TAF9B: variants seen among roughly 807,000 people sequenced by gnomAD.
TAF9B encodes transcription initiation factor TFIID subunit 9B.
TAF9B carries 47 observed loss-of-function variants against 17.6 expected under a neutral mutation model. That is an observed-to-expected ratio of 2.68 (90% CI 2.12 to 3.41). The LOEUF (loss-of-function observed/expected upper bound fraction) is 3.41. Among genes scored for constraint, TAF9B ranks in the 30% most tolerant of loss-of-function variants. The pLI is 0.00. For missense variants in TAF9B, 218 were observed against 189.3 expected (o/e 1.15, Z -0.89); for synonymous variants, 84 against 68.7 (o/e 1.22, Z -1.10).
At position 78,131,568 on chromosome X, in the gene TAF9B, C is replaced by G. The variant is rs782213056; in HGVS notation, c.*42G>C. 1.3e-5 allele frequency: 15 copies of G among 1,159,058 alleles called. No homozygotes were observed. Among genetic ancestry groups the G allele is most frequent in the Non-Finnish European group, 7.0e-6 (6 of 857,970 alleles). On this transcript the variant is annotated 3_prime_UTR_variant, in exon 7 of 7. Coordinates refer to ENST00000341864, the MANE Select transcript of TAF9B (RefSeq NM_015975.5). ...CTAGTTCAGTATACTGGGCTCAAAA[C>G]CAACTTTCCTTTTGAAATGCATCTA...
At chrX:78,133,607 C>T (rs981214475) in intron 5 of TAF9B, among the ~76,000 whole-genome samples, 159 bp from the exon 6 acceptor site, 8 of 111,820 alleles carry the variant, frequency 7.2e-5, no homozygotes, top group Non-Finnish European at 5.6e-5. Context: ...AAAAAATTTA[C>T]AAGCTTGTTT....
chrX:78,138,570 C>T (rs1311587524), intron 2 of TAF9B, among the ~76,000 whole-genome samples: 1 of 111,946 alleles, frequency 8.9e-6, no homozygotes, highest in Non-Finnish European at 1.9e-5. Flanking sequence ...CCAGCCTGGG[C>T]AATATGGCGA....
chrX:78,132,955 G>C (rs1347537255), intron 6 of TAF9B, among the ~76,000 whole-genome samples: 1 of 111,446 alleles, frequency 9.0e-6, no homozygotes, highest in Admixed American at 9.6e-5. Flanking sequence ...AGTACAGTAA[G>C]ATACTTTGAG....
At position 78,136,929 on chromosome X, in the gene TAF9B, G is replaced by A. The variant is rs1603399965; in HGVS notation, c.467C>T (p.Thr156Ile). 4.2e-6 allele frequency: 5 copies of A among 1,202,293 alleles called. No homozygotes were observed. Among genetic ancestry groups the A allele is most frequent in the Non-Finnish European group, 5.6e-6 (5 of 887,521 alleles). Residue 156 changes from threonine to isoleucine, a missense_variant, in exon 5 of 7, where the codon ACT becomes ATT. Thr to Ile is a moderately conservative substitution (Grantham distance 89, BLOSUM62 -1). Coordinates refer to ENST00000341864, the MANE Select transcript of TAF9B (RefSeq NM_015975.5). ...LSVGAVSSKP[T>I]TPTIATPQTV... ...CTCTCACTTACCTATAGTAGGAGTA[G>A]TAGGTTTGCTACTAACAGCACCAAC... is the stretch of plus-strand genomic sequence containing the variant.
chrX:78,137,791 G>A lies in TAF9B; in HGVS notation c.363C>T (p.Cys121=), dbSNP rs1557250207. The change falls in exon 4 of 7, where the codon TGC becomes TGT. Residue 121 remains cysteine (C), a synonymous_variant. Transcript: ENST00000341864. ...TCAGCCTATAGTTTGGAGCTGTTAA[G>A]CAGTATCTATCAGGTGGCAGTCTAG... The part of the protein sequence containing the change: ...AGPRLPPDRY[C]LTAPNYRLKS... 4.1e-6 allele frequency: 5 copies of A among 1,207,174 alleles called. No individual in the cohort carries two copies. The highest frequency in any genetic ancestry group is 3.6e-5 in the South Asian group (2 of 55,961).
intron 5 of TAF9B, among the ~76,000 whole-genome samples, chrX:78,135,619 CA>C (rs1230522750): frequency 9.2e-6 from 1 of 108,980 alleles, no homozygotes; most frequent in South Asian, 3.9e-4. Flanking sequence ...AAAATAAAAA[CA>C]AAAAAAAACT....
Position 78,137,823 on chromosome X carries a change from C to CAT in TAF9B, c.329_330dup (p.Ala111MetfsTer13). ...CTATCAGGTGGCAGTCTAGGTCCTGCATATGGCTTAATCAGTGGCAAAGGG... is the reference window on the plus strand; with the variant it reads ...CTATCAGGTGGCAGTCTAGGTCCTGCATATATGGCTTAATCAGTGGCAAAGGG... On this transcript the variant is annotated frameshift_variant, in exon 4 of 7. Coordinates refer to ENST00000341864, the MANE Select transcript of TAF9B (RefSeq NM_015975.5). LOFTEE classifies it high-confidence loss of function. 3 of 1,210,189 alleles carry CAT rather than the reference C, an allele frequency of 2.5e-6. No homozygotes were observed. The highest frequency in any genetic ancestry group is 3.5e-5 in the African/African-American group (2 of 57,683).
intron 2 of TAF9B, among the ~76,000 whole-genome samples, chrX:78,138,497 G>A (rs782159327): frequency 4.2e-4 from 47 of 112,809 alleles, no homozygotes; most frequent in African/African-American, 1.5e-3. Context: ...GGTGGCTCAC[G>A]CCTGTAATCC....
intron 5 of TAF9B, among the ~76,000 whole-genome samples, chrX:78,136,038 A>G (rs1460305579): frequency 8.9e-6 from 1 of 111,796 alleles, no homozygotes; most frequent in Non-Finnish European, 1.9e-5. Flanking sequence ...TACCTGAGCT[A>G]TATGACAGCT....
rs1475331969 is a variant in TAF9B, at chrX:78,131,901, A to G, written c.593-128T>C. 62 of 547,246 alleles carry G rather than the reference A, an allele frequency of 1.1e-4. No homozygotes were observed. The East Asian group carries it at 2.1e-3, about 18-fold the overall frequency. The allele number at this position is 547,246 out of a possible 1,213,427, so 45.1% of individuals were successfully genotyped here. ...ACCAATTTCAATAGCATGAAGTGCA[A>G]CTATATCATAGAAGAAACATAGGTA... is the stretch of plus-strand genomic sequence containing the variant. On this transcript the variant is annotated intron_variant, in intron 6 of 6. Coordinates refer to ENST00000341864, the MANE Select transcript of TAF9B (RefSeq NM_015975.5).
rs1488979839 is a variant in TAF9B at position 78,130,904 on chromosome X, CATT to C, written c.*703_*705del. On this transcript the variant is annotated 3_prime_UTR_variant, in exon 7 of 7. Transcript: ENST00000341864. ...CATCAGGTTAAAGTGAATCACAAAA[CATT>C]AGGCATGTAGAGCATGTTTTAAAAA... The C allele has an allele frequency of 1.8e-5, 2 of 111,976 alleles. No individual in the cohort carries two copies. The highest frequency in any genetic ancestry group is 6.5e-5 in the African/African-American group (2 of 30,781). 9.2% of individuals were successfully genotyped at this position (111,976 alleles called of 1,213,427 possible).
At position 78,131,441 on chromosome X, in the gene TAF9B, AAC is replaced by A; in HGVS notation, c.*167_*168del. 1 of 380,960 alleles carries A rather than the reference AAC, an allele frequency of 2.6e-6. No homozygotes were observed. Among genetic ancestry groups the A allele is most frequent in the East Asian group, 4.0e-5 (1 of 24,732 alleles). The allele number at this position is 380,960 out of a possible 1,213,427, so 31.4% of individuals were successfully genotyped here. A position where few individuals can be genotyped will look rare whatever the true frequency, so the allele number is the denominator to read the frequency against. On this transcript the variant is annotated 3_prime_UTR_variant, in exon 7 of 7. Coordinates refer to ENST00000341864, the MANE Select transcript of TAF9B (RefSeq NM_015975.5). ...TGTTTGTAATTGAAGCCTACTGAAAAACACATTTGTATGTTTACTAAAGAGAT... is the reference window on the plus strand; with the variant it reads ...TGTTTGTAATTGAAGCCTACTGAAAAACATTTGTATGTTTACTAAAGAGAT...
At chrX:78,138,201 A>C in intron 2 of TAF9B, 103 bp from the exon 3 acceptor site, 1 of 964,729 alleles carries the variant, frequency 1.0e-6, no homozygotes, top group Admixed American at 3.2e-5. Context: ...ACGGTTTATA[A>C]ATTTTGTGGG....
Position 78,131,753 on chromosome X carries a change from G to C in TAF9B, c.613C>G (p.Gln205Glu), listed in dbSNP as rs1557249508. 48 of 1,205,569 alleles carry C rather than the reference G, an allele frequency of 4.0e-5. No homozygotes were observed. The highest frequency in any genetic ancestry group is 5.2e-5 in the Non-Finnish European group (46 of 893,113). ...VKPVPATTAV[Q>E]NVLINPSMIG... ...ATTGAAGGATTAATCAGAACATTTT[G>C]AACTGCAGTTGTTGCAGGAACTGTA... Residue 205 changes from glutamine to glutamate, a missense_variant, in exon 7 of 7, where the codon CAA becomes GAA. Transcript: ENST00000341864.
intron 5 of TAF9B, among the ~76,000 whole-genome samples, chrX:78,135,679 A>C (rs1557249960): frequency 8.9e-6 from 1 of 112,078 alleles, no homozygotes; most frequent in African/African-American, 3.2e-5. Context: ...CTGACTCTAG[A>C]TTTTAACAAT....
chrX:78,138,264 C>T lies in TAF9B; in HGVS notation c.134-166G>A, dbSNP rs782198000. Among the ~76,000 whole-genome samples the T allele has an allele frequency of 5.3e-5, 6 of 112,151 alleles. No individual in the cohort carries two copies. The Middle Eastern group carries it at 0.014, about 257-fold the overall frequency. Reference sequence around the variant, plus strand: ...TTGCCCAGGAAACTCCTGGCCTCCCCGCGACAGCCTCCCGAAGTGCTGAGA... The same window carrying T: ...TTGCCCAGGAAACTCCTGGCCTCCCTGCGACAGCCTCCCGAAGTGCTGAGA... On this transcript the variant is annotated intron_variant, in intron 2 of 6. Transcript: ENST00000341864.
At position 78,136,523 on chromosome X, in the gene TAF9B, ATCT is replaced by A. The variant is rs1372183426; in HGVS notation, c.481+389_481+391del. 3.6e-5 allele frequency among the ~76,000 whole-genome samples: 4 copies of A among 112,264 alleles called. No homozygotes were observed. In the Admixed American group the frequency reaches 3.8e-4, roughly 11 times the overall value. The stretch of plus-strand genomic sequence containing the variant: ...ATCCTTAAGATTTTTGTACACCTTA[ATCT>A]TCTTTCTACTGTATTCTCATCAATG... On this transcript the variant is annotated intron_variant, in intron 5 of 6. Coordinates refer to ENST00000341864, the MANE Select transcript of TAF9B (RefSeq NM_015975.5).
rs1438249986 is a variant in TAF9B at position 78,137,842 on chromosome X, C to A, written c.312G>T (p.Leu104Phe). ...DIARQKNQTPLPLIKPYAGPR... is the reference protein window; with the variant it reads ...DIARQKNQTPFPLIKPYAGPR... ...GTCCTGCATATGGCTTAATCAGTGGCAAAGGGGTTTGATTTTTCTGCCTTG... is the reference window on the plus strand; with the variant it reads ...GTCCTGCATATGGCTTAATCAGTGGAAAAGGGGTTTGATTTTTCTGCCTTG... Residue 104 changes from leucine (L) to phenylalanine (F), a missense_variant, in exon 4 of 7, where the codon TTG becomes TTT. Coordinates refer to ENST00000341864, the MANE Select transcript of TAF9B (RefSeq NM_015975.5). The A allele has an allele frequency of 8.3e-7, 1 of 1,207,271 alleles. No individual in the cohort carries two copies. The highest frequency in any genetic ancestry group is 1.1e-6 in the Non-Finnish European group (1 of 894,531).
rs782340887 is a variant in TAF9B at position 78,136,904 on chromosome X, C to T, written c.481+11G>A. Reference sequence around the variant, plus strand: ...TACCAGCCAGAAATGCCATTGTCTCCTCTCACTTACCTATAGTAGGAGTAG... The same window carrying T: ...TACCAGCCAGAAATGCCATTGTCTCTTCTCACTTACCTATAGTAGGAGTAG... On this transcript the variant is annotated intron_variant, in intron 5 of 6. Transcript: ENST00000341864. 3 of 1,178,069 alleles carry T rather than the reference C, an allele frequency of 2.5e-6. No homozygotes were observed. Among genetic ancestry groups the T allele is most frequent in the Middle Eastern group, 2.4e-4 (1 of 4,204 alleles).
Sources: allele counts gnomAD v4.1 joint callset (sites outside exome capture counted in the v4.1 genomes callset), GRCh38; gene constraint gnomAD v4.1.1; transcripts MANE v1.5; gene names NCBI Gene and HGNC (gene_info 2026-07-23, HGNC 2026-07-21).